SLC25A13: variants seen among roughly 807,000 people sequenced by gnomAD.
The protein encoded by SLC25A13 is electrogenic aspartate/glutamate antiporter SLC25A13, mitochondrial.
A neutral mutation model predicts 85.5 loss-of-function variants in SLC25A13; 70 were observed. The observed-to-expected ratio is 0.82, with a 90% CI of 0.68 to 1.00. The LOEUF (loss-of-function observed/expected upper bound fraction) is 1.00, where lower values mean the gene tolerates loss of function less well. Ranked by LOEUF, SLC25A13 falls within the 50% of genes least tolerant of loss-of-function variation. The pLI is 0.00. For synonymous variants in SLC25A13, 259 were observed against 288.7 expected, an observed-to-expected ratio of 0.90 and a Z score of 1.04; for missense variants, 765 against 819.8, an observed-to-expected ratio of 0.93 and a Z score of 0.82.
At chr7:96,280,318 TG>T (rs1246065569) in intron 2 of SLC25A13, among the ~76,000 whole-genome samples, 3 of 152,222 alleles carry the variant, frequency 2.0e-5, no homozygotes, top group African/African-American at 7.2e-5. Context: ...ATTTTACACT[TG>T]GAAATTTTTT....
intron 13 of SLC25A13, among the ~76,000 whole-genome samples, chr7:96,147,383 C>T (rs932083118): frequency 6.6e-6 from 1 of 152,142 alleles, no homozygotes; most frequent in East Asian, 1.9e-4. Flanking sequence ...AAAATATGCA[C>T]TAAGTCAATT....
intron 4 of SLC25A13, among the ~76,000 whole-genome samples, chr7:96,222,194 T>G (rs1796155617): frequency 6.6e-6 from 1 of 152,176 alleles, no homozygotes; most frequent in Non-Finnish European, 1.5e-5. Context: ...GTTACTAAAC[T>G]TACAATATAT....
At chr7:96,291,247 A>G (rs541018145) in intron 2 of SLC25A13, among the ~76,000 whole-genome samples, 5 of 152,344 alleles carry the variant, frequency 3.3e-5, no homozygotes, top group African/African-American at 1.2e-4. Context: ...CAAAGACACA[A>G]CATACCAGAA....
At position 96,257,925 on chromosome 7, in the gene SLC25A13, A is replaced by G. The variant is rs557005235; in HGVS notation, c.212+19271T>C. ...GCTGGTTCAACATACGTGATAATCA[A>G]TAAACGTAATTCATCACATAAACAG... On this transcript the variant is annotated intron_variant, in intron 3 of 17. Coordinates refer to ENST00000265631, the MANE Select transcript of SLC25A13 (RefSeq NM_014251.3). 2.6e-5 allele frequency among the ~76,000 whole-genome samples: 4 copies of G among 152,358 alleles called. No homozygotes were observed. In the East Asian group the frequency reaches 7.7e-4, roughly 29 times the overall value.
At chr7:96,162,106 C>G (rs773040988) in intron 13 of SLC25A13, among the ~76,000 whole-genome samples, 15 of 152,158 alleles carry the variant, frequency 9.9e-5, no homozygotes, top group Non-Finnish European at 1.8e-4. Context: ...AATAAAAATT[C>G]TACCTTAAGA....
chr7:96,241,042 GAAAGAAAGAAAGAAAGAA>G (rs1220964827), intron 3 of SLC25A13, among the ~76,000 whole-genome samples: 1 of 13,742 alleles, frequency 7.3e-5, no homozygotes, highest in Non-Finnish European at 1.9e-4. Context: ...AGAAAGGAAA[GAAAGAAAGAAAGAAAGAA>G]AGAAAGAAAG....
At chr7:96,131,645 G>C (rs868308685) in intron 15 of SLC25A13, 98 bp downstream of exon 15, 8 of 1,537,094 alleles carry the variant, frequency 5.2e-6, no homozygotes, top group African/African-American at 1.4e-5. Context: ...ACCCTGTCAA[G>C]AACTATCAGC....
rs144061798 is a variant in SLC25A13 at position 96,290,371 on chromosome 7, C to T, written c.69+6527G>A. On this transcript the variant is annotated intron_variant, in intron 2 of 17. Transcript: ENST00000265631. ...GCTAGGGAGAAACTGTATGAAGCAA[C>T]GAGCAAAATAACCAGCTAACATCAT... Among the ~76,000 whole-genome samples, 1,459 of 152,112 alleles carry T rather than the reference C, an allele frequency of 9.6e-3. 18 individuals are homozygous for T. Among genetic ancestry groups the T allele is most frequent in the African/African-American group, 0.033 (1,354 of 41,480 alleles).
At chr7:96,213,355 C>A (rs1795773916) in intron 4 of SLC25A13, among the ~76,000 whole-genome samples, 1 of 152,182 alleles carries the variant, frequency 6.6e-6, no homozygotes, top group Non-Finnish European at 1.5e-5. Context: ...GTTTAAGATT[C>A]CTCTATGTCT....
intron 1 of SLC25A13, among the ~76,000 whole-genome samples, chr7:96,307,704 C>T (rs1325591790): frequency 1.3e-5 from 2 of 152,180 alleles, no homozygotes; most frequent in East Asian, 1.9e-4. Flanking sequence ...TCCAGTTTTG[C>T]ACTTTTTGGG....
intron 7 of SLC25A13, among the ~76,000 whole-genome samples, chr7:96,190,328 T>A (rs1462923519): frequency 6.6e-6 from 1 of 152,048 alleles, no homozygotes; most frequent in Non-Finnish European, 1.5e-5. Flanking sequence ...CCTGACCTCA[T>A]GATCTGCCCG....
chr7:96,318,244 G>A (rs1374493497), intron 1 of SLC25A13, among the ~76,000 whole-genome samples: 1 of 152,146 alleles, frequency 6.6e-6, no homozygotes, highest in Non-Finnish European at 1.5e-5. Flanking sequence ...CTAACTTTTA[G>A]TAGGTTCATA....
intron 3 of SLC25A13, among the ~76,000 whole-genome samples, chr7:96,249,283 A>T (rs1797323279): frequency 6.6e-6 from 1 of 152,246 alleles, no homozygotes; most frequent in African/African-American, 2.4e-5. Context: ...ATTTTACTAC[A>T]TGAACATAAT....
intron 3 of SLC25A13, among the ~76,000 whole-genome samples, chr7:96,272,839 T>C (rs1048861809): frequency 1.3e-5 from 2 of 152,212 alleles, no homozygotes; most frequent in Non-Finnish European, 2.9e-5. Context: ...GGAGAAATTA[T>C]AGGATTAGAA....
intron 3 of SLC25A13, among the ~76,000 whole-genome samples, chr7:96,268,171 C>CAGTCACAAGTGA (rs1798106855): frequency 6.6e-6 from 1 of 152,152 alleles, no homozygotes. Context: ...GTGAGAAGGT[C>CAGTCACAAGTGA]AGTCACAAGT....
chr7:96,196,681 T>C lies in SLC25A13; in HGVS notation c.469-3498A>G, dbSNP rs114210467. Among the ~76,000 whole-genome samples the C allele has an allele frequency of 6.5e-3, 991 of 152,294 alleles. 10 individuals carry two copies. Among genetic ancestry groups the C allele is most frequent in the African/African-American group, 0.022 (928 of 41,570 alleles). The stretch of plus-strand genomic sequence containing the variant: ...ATACATTTCCAACAGCTCTTAAAGA[T>C]TGGGGGCATTATAAGTTCCACAGAA... On this transcript the variant is annotated intron_variant, in intron 5 of 17. Transcript: ENST00000265631.
intron 4 of SLC25A13, among the ~76,000 whole-genome samples, chr7:96,210,953 A>AT (rs2116725144): frequency 6.6e-6 from 1 of 152,220 alleles, no homozygotes; most frequent in African/African-American, 2.4e-5. Flanking sequence ...CAAAAATAAG[A>AT]TTTTTCCCCT....
chr7:96,154,059 A>G lies in SLC25A13; in HGVS notation c.1312-7363T>C, dbSNP rs113549208. Among the ~76,000 whole-genome samples the G allele has an allele frequency of 6.0e-3, 918 of 152,308 alleles. 9 individuals carry two copies. Among genetic ancestry groups the G allele is most frequent in the African/African-American group, 0.021 (884 of 41,580 alleles). On this transcript the variant is annotated intron_variant, in intron 13 of 17. Transcript: ENST00000265631. The stretch of plus-strand genomic sequence containing the variant: ...AAAATGATTATAACAGTCAAATATT[A>G]TAACTTTTTCCTAAGTTAATCTAAA...
At position 96,241,045 on chromosome 7, in the gene SLC25A13, A is replaced by AGAAAG. The variant is rs1554363764; in HGVS notation, c.213-6133_213-6129dup. The stretch of plus-strand genomic sequence containing the variant: ...AAAAGAAAAGAAAGAAAGGAAAGAA[A>AGAAAG]GAAAGAAAGAAAGAAAGAAAGAAAG... On this transcript the variant is annotated intron_variant, in intron 3 of 17. Coordinates refer to ENST00000265631, the MANE Select transcript of SLC25A13 (RefSeq NM_014251.3). Among the ~76,000 whole-genome samples the AGAAAG allele has an allele frequency of 1.2e-3, 37 of 30,500 alleles. 1 individual carries two copies. The highest frequency in any genetic ancestry group is 3.2e-3 in the Non-Finnish European group (34 of 10,564). 20.0% of individuals were successfully genotyped at this position (30,500 alleles called of 152,430 possible).
Sources: gnomAD v4.1 joint callset for allele counts (sites outside exome capture counted in the v4.1 genomes callset) on GRCh38, gnomAD v4.1.1 for gene constraint, MANE v1.5 for transcripts, NCBI Gene and HGNC (gene_info 2026-07-23, HGNC 2026-07-21) for gene names.